SSC5D: variants seen among roughly 807,000 people sequenced by gnomAD.
The protein encoded by SSC5D is soluble scavenger receptor cysteine-rich domain-containing protein SSC5D.
In SSC5D, 106 loss-of-function variants were observed where a neutral mutation model predicts 104.6. That is an observed-to-expected ratio of 1.01 (90% confidence interval 0.87 to 1.19). The LOEUF (loss-of-function observed/expected upper bound fraction) is 1.19, where lower values mean the gene tolerates loss of function less well. SSC5D is among the 50% of genes most tolerant of loss of function. The pLI is 0.00. For missense variants in SSC5D, 1,993 were observed against 2,153.8 expected (o/e 0.93, Z 1.48); for synonymous variants, 860 against 883.5 (o/e 0.97, Z 0.47).
Position 55,501,189 on chromosome 19 carries a change from C to T in SSC5D, c.2773C>T (p.Leu925=), listed in dbSNP as rs2009078129. ...TAGCTCCTCCCCAGCAATAAGGCGC[C>T]TGCCGGACACAGGTGAGAGGCCTGA... ...PGSSSPAIRR[L]PDTGSKDGYK... is the part of the protein sequence containing the mutation. The change falls in exon 12 of 14, where the codon CTG becomes TTG. Residue 925 remains leucine (L), a synonymous_variant. Transcript: ENST00000389623. 2 of 1,531,628 alleles carry T rather than the reference C, an allele frequency of 1.3e-6. No homozygotes were observed. The highest frequency in any genetic ancestry group is 2.1e-5 in the Admixed American group (1 of 47,154). The allele number at this position is 1,531,628 out of a possible 1,614,324, so 94.9% of individuals were successfully genotyped here.
chr19:55,489,489 G>GCGT lies in SSC5D; in HGVS notation c.190_191insTCG (p.Cys63_Gly64insVal). The GCGT allele has an allele frequency of 6.8e-7, 1 of 1,473,530 alleles. No individual in the cohort carries two copies. Among genetic ancestry groups the GCGT allele is most frequent in the Middle Eastern group, 1.9e-4 (1 of 5,278 alleles). The allele number at this position is 1,473,530 out of a possible 1,614,324, so 91.3% of individuals were successfully genotyped here. On this transcript the variant is annotated inframe_insertion, in exon 3 of 14. Transcript: ENST00000389623. ...GCCGTGGCCTGCCGGCAGCTGGGCT[G>GCGT]CGGAGGGGCACTGGCCGCCCCGGGA...
intron 8 of SSC5D, among the ~76,000 whole-genome samples, chr19:55,495,382 TG>T (rs1300910326): frequency 1.4e-5 from 2 of 145,824 alleles, no homozygotes; most frequent in African/African-American, 5.0e-5. Context: ...CCCAAGTAGC[TG>T]GGACTACTAA....
chr19:55,502,341 C>T (rs1987526571), intron 12 of SSC5D, among the ~76,000 whole-genome samples: 2 of 152,130 alleles, frequency 1.3e-5, no homozygotes, highest in South Asian at 4.1e-4. Flanking sequence ...TTTGCTCTCT[C>T]TCACCATCTT....
Position 55,513,107 on chromosome 19 carries a change from C to T in SSC5D, c.2882C>T (p.Thr961Ile). Residue 961 changes from threonine (T) to isoleucine (I), a missense_variant, in exon 13 of 14, where the codon ACT (threonine) becomes ATT (isoleucine). Physicochemically the swap from Thr to Ile is moderately conservative, Grantham distance 89. Transcript: ENST00000389623. The stretch of plus-strand genomic sequence containing the variant: ...CCTACCGCAGGCAAACTAGGACCAA[C>T]TCTTGGGGCTGGCACCACCAGGAGC... ...GTPTAGKLGP[T>I]LGAGTTRSPG... The T allele has an allele frequency of 7.1e-6, 11 of 1,546,632 alleles. No homozygotes were observed. The highest frequency in any genetic ancestry group is 9.6e-6 in the Non-Finnish European group (11 of 1,143,870).
intron 8 of SSC5D, among the ~76,000 whole-genome samples, chr19:55,495,216 C>CATATATATATGTAT (rs1555765015): frequency 4.7e-3 from 40 of 8,426 alleles, no homozygotes; most frequent in African/African-American, 0.012. Context: ...TGCCTCCTTT[C>CATATATATATGTAT]ATATATATAT....
Position 55,493,689 on chromosome 19 carries a change from C to T in SSC5D, c.990C>T (p.Asp330=), listed in dbSNP as rs1355075025. Residue 330 remains aspartate (D), a synonymous_variant, in exon 7 of 14, where the codon GAC becomes GAT. Transcript: ENST00000389623. ...WHGGRWGSVC[D]DAWDLRDAAV... The stretch of plus-strand genomic sequence containing the variant: ...GGGGTCGCTGGGGGTCGGTGTGTGA[C>T]GACGCCTGGGACCTGCGAGACGCCG... 24 of 1,511,572 alleles carry T rather than the reference C, an allele frequency of 1.6e-5. No individual in the cohort carries two copies. Among genetic ancestry groups the T allele is most frequent in the Admixed American group, 8.7e-5 (4 of 45,982 alleles). 93.6% of individuals were successfully genotyped at this position (1,511,572 alleles called of 1,614,324 possible).
At chr19:55,499,333 G>C (rs989751051) in intron 9 of SSC5D, among the ~76,000 whole-genome samples, 2 of 152,254 alleles carry the variant, frequency 1.3e-5, no homozygotes, top group Admixed American at 6.5e-5. Flanking sequence ...CATCACCTCT[G>C]CTGGAAGCTA....
At position 55,490,807 on chromosome 19, in the gene SSC5D, G is replaced by A. The variant is rs776640739; in HGVS notation, c.622G>A (p.Ala208Thr). 15 of 1,544,988 alleles carry A rather than the reference G, an allele frequency of 9.7e-6. No homozygotes were observed. Among genetic ancestry groups the A allele is most frequent in the South Asian group, 3.6e-5 (3 of 83,484 alleles). Residue 208 changes from alanine (A) to threonine (T), a missense_variant, in exon 6 of 14, where the codon GCC becomes ACC. Transcript: ENST00000389623. ...CCTGGTCTCTGGCCCCCACAGGTGCGCCGGACGCCTGGAGGTCTGGCACGG... is the reference window on the plus strand; with the variant it reads ...CCTGGTCTCTGGCCCCCACAGGTGCACCGGACGCCTGGAGGTCTGGCACGG... ...LRLVSGPHRC[A>T]GRLEVWHGGR...
At chr19:55,489,768 A>G in intron 3 of SSC5D, 106 bp downstream of exon 3, 1 of 1,487,894 alleles carries the variant, frequency 6.7e-7, no homozygotes, top group Non-Finnish European at 9.1e-7. Flanking sequence ...GTTCAGAGAC[A>G]CCCAACCTCC....
intron 12 of SSC5D, among the ~76,000 whole-genome samples, chr19:55,511,955 G>T (rs772637065): frequency 2.0e-5 from 3 of 152,102 alleles, no homozygotes; most frequent in Non-Finnish European, 4.4e-5. Context: ...TGATTGTGGC[G>T]ATGGTCACGC....
intron 12 of SSC5D, among the ~76,000 whole-genome samples, chr19:55,502,995 T>C (rs1259221958): frequency 6.6e-6 from 1 of 152,154 alleles, no homozygotes; most frequent in Non-Finnish European, 1.5e-5. Context: ...TTTGTATTTT[T>C]AGTAGAGACG....
In SSC5D at chr19:55,489,507, C is replaced by A; in HGVS notation, c.206C>A (p.Ala69Asp). The change falls in exon 3 of 14, where the codon GCC (alanine) becomes GAC (aspartate). Residue 69 changes from alanine (A) to aspartate (D), a missense_variant. By Grantham distance (126) the Ala-to-Asp change is moderately radical. This residue lies in a region of SSC5D where 1,101 missense variants were observed against 1,085.0 expected (regional missense o/e 1.01). Coordinates refer to ENST00000389623, the MANE Select transcript of SSC5D (RefSeq NM_001144950.2). Reference sequence around the variant, plus strand: ...CTGGGCTGCGGAGGGGCACTGGCCGCCCCGGGAGGCGCCTTCTTCGGGGAG... The same window carrying A: ...CTGGGCTGCGGAGGGGCACTGGCCGACCCGGGAGGCGCCTTCTTCGGGGAG... The part of the protein sequence containing the change: ...RQLGCGGALA[A>D]PGGAFFGEGA... 6.8e-7 allele frequency: 1 copy of A among 1,467,224 alleles called. No homozygotes were observed. Among genetic ancestry groups the A allele is most frequent in the Non-Finnish European group, 9.0e-7 (1 of 1,115,896 alleles). The allele number at this position is 1,467,224 out of a possible 1,614,324, so 90.9% of individuals were successfully genotyped here.
chr19:55,489,322 TC>T, intron 2 of SSC5D, 31 bp from the exon 3 acceptor site: 1 of 1,423,738 alleles, frequency 7.0e-7, no homozygotes. Context: ...AGGATGCCCC[TC>T]CCCAGTCACA....
At position 55,500,901 on chromosome 19, in the gene SSC5D, G is replaced by A; in HGVS notation, c.2617+97G>A. On this transcript the variant is annotated intron_variant, in intron 11 of 13. Coordinates refer to ENST00000389623, the MANE Select transcript of SSC5D (RefSeq NM_001144950.2). The surrounding 1 kb of genome is among the most constrained non-coding windows in gnomAD (Gnocchi z 4.6). ...TGACGGCACCATGGTCGACTCTAAA[G>A]AACTGGGTATGAGGGGTCGGGGTGG... The A allele has an allele frequency of 1.3e-6, 2 of 1,491,750 alleles. No individual in the cohort carries two copies. Among genetic ancestry groups the A allele is most frequent in the Non-Finnish European group, 1.8e-6 (2 of 1,106,390 alleles). The allele number at this position is 1,491,750 out of a possible 1,614,324, so 92.4% of individuals were successfully genotyped here. A position where few individuals can be genotyped will look rare whatever the true frequency, so the allele number is the denominator to read the frequency against.
rs1263501185 is a variant in SSC5D at position 55,494,594 on chromosome 19, AC to A, written c.1214-11del. 1 of 1,498,010 alleles carries A rather than the reference AC, an allele frequency of 6.7e-7. No individual in the cohort carries two copies. Among genetic ancestry groups the A allele is most frequent in the Non-Finnish European group, 9.0e-7 (1 of 1,117,162 alleles). 92.8% of individuals were successfully genotyped at this position (1,498,010 alleles called of 1,614,324 possible). ...GGGTGTGTGTGGGTGGCAATCACTT[AC>A]CCCCTGCTCCACAGGCATGCCCCTG... On this transcript the variant is annotated splice_polypyrimidine_tract_variant and intron_variant, in intron 7 of 13. Coordinates refer to ENST00000389623, the MANE Select transcript of SSC5D (RefSeq NM_001144950.2).
chr19:55,513,694 G>A (rs943329500), intron 13 of SSC5D, among the ~76,000 whole-genome samples: 3 of 152,248 alleles, frequency 2.0e-5, no homozygotes, highest in African/African-American at 7.2e-5. Flanking sequence ...ATGGCAGGAA[G>A]TGAGAGGCTA....
chr19:55,501,592 G>A (rs57754619), intron 12 of SSC5D, among the ~76,000 whole-genome samples: 1,779 of 152,232 alleles, frequency 0.012, 37 homozygotes, highest in African/African-American at 0.041. Context: ...GCTCTGGTCC[G>A]GGCCTGGTAT....
intron 8 of SSC5D, among the ~76,000 whole-genome samples, chr19:55,496,472 C>T (rs1047616892): frequency 1.3e-5 from 2 of 152,176 alleles, no homozygotes; most frequent in African/African-American, 4.8e-5. Flanking sequence ...GGTCTCGTTC[C>T]CCTTTTCCTG....
chr19:55,511,565 A>G (rs934098543), intron 12 of SSC5D, among the ~76,000 whole-genome samples: 3 of 152,094 alleles, frequency 2.0e-5, no homozygotes, highest in African/African-American at 7.2e-5. Flanking sequence ...AACTCCTTGT[A>G]CCCATGAATC....
Sources: allele counts gnomAD v4.1 joint callset (sites outside exome capture counted in the v4.1 genomes callset), GRCh38; gene constraint gnomAD v4.1.1; regional missense constraint gnomAD v4.1.1; non-coding constraint Gnocchi (gnomAD v3.1); transcripts MANE v1.5; gene names NCBI Gene and HGNC (gene_info 2026-07-23, HGNC 2026-07-21).